Variants in FAM234A observed in about 807,000 individuals in gnomAD.
The protein encoded by FAM234A is family with sequence similarity 234 member A.
FAM234A carries 42 observed loss-of-function variants against 49.1 expected under a neutral mutation model. That is an observed-to-expected ratio of 0.86 (90% CI 0.67 to 1.11). The LOEUF is 1.11. FAM234A is among the 50% of genes least tolerant of loss of function. The pLI is 0.00. For missense variants in FAM234A, 815 were observed against 745.2 expected (o/e 1.09, Z -1.09); for synonymous variants, 369 against 316.2 (o/e 1.17, Z -1.77).
At chr16:268,762 G>A (rs75586002), downstream of FAM234A, 5,964 of 1,548,922 alleles carry the variant, frequency 3.9e-3, 261 homozygotes, top group East Asian at 0.1. Flanking sequence ...GCACTCTCTT[G>A]GGTCCTCTTC....
chr16:242,191 G>A (rs2050640648), intron 1 of FAM234A, among the ~76,000 whole-genome samples: 1 of 152,174 alleles, frequency 6.6e-6, no homozygotes, highest in Non-Finnish European at 1.5e-5. Context: ...CAGCCTCAGT[G>A]GCCTAGAGTG....
intron 7 of FAM234A, 41 bp from the exon 8 acceptor site, chr16:262,383 C>G: frequency 6.4e-7 from 1 of 1,564,570 alleles, no homozygotes; most frequent in Non-Finnish European, 8.7e-7. Context: ...GGGTTCACAG[C>G]GTGACCCTGG....
intron 2 of FAM234A, among the ~76,000 whole-genome samples, chr16:251,150 C>A (rs1370515679): frequency 6.6e-6 from 1 of 152,010 alleles, no homozygotes; most frequent in Non-Finnish European, 1.5e-5. Flanking sequence ...GTAGAGATGG[C>A]TTTCACCATA....
chr16:252,191 T>G (rs893176304), intron 2 of FAM234A, among the ~76,000 whole-genome samples: 10 of 146,302 alleles, frequency 6.8e-5, no homozygotes, highest in East Asian at 2.0e-4. Context: ...TTTTGTTTTT[T>G]TTTTTTTTTT....
intron 3 of FAM234A, 117 bp downstream of exon 3, chr16:254,798 C>G (rs1021625439): frequency 1.0e-5 from 11 of 1,057,768 alleles, no homozygotes; most frequent in Non-Finnish European, 1.4e-5. Flanking sequence ...GTGAATCAAT[C>G]CCAAGAGGCT....
rs148322881 is a variant in FAM234A at position 246,666 on chromosome 16, G to A, written c.-139-2883G>A. 3.5e-3 allele frequency among the ~76,000 whole-genome samples: 526 copies of A among 151,130 alleles called. 16 individuals carry two copies. Among genetic ancestry groups the A allele is most frequent in the African/African-American group, 0.012 (501 of 40,996 alleles). Reference sequence around the variant, plus strand: ...AATCTCCTGACCTTGTGATCCGCCCGCTTTGGCCTCCTAAAGTGCTGGTAT... The same window carrying A: ...AATCTCCTGACCTTGTGATCCGCCCACTTTGGCCTCCTAAAGTGCTGGTAT... On this transcript the variant is annotated intron_variant, in intron 1 of 12. Transcript: ENST00000399932.
chr16:244,158 T>G (rs35038459), intron 1 of FAM234A, among the ~76,000 whole-genome samples: 1 of 151,784 alleles, frequency 6.6e-6, no homozygotes, highest in African/African-American at 2.4e-5. Context: ...TTAGTAGAGA[T>G]GGGGTTTCAC....
chr16:269,302 A>AGCCGCTGTGGGCTCCACAG, downstream of FAM234A: 1 of 1,588,136 alleles, frequency 6.3e-7, no homozygotes. Flanking sequence ...CAGGGCCACA[A>AGCCGCTGTGGGCTCCACAG]GCCGCTGTGG....
intron 11 of FAM234A, 139 bp downstream of exon 11, chr16:264,310 G>A: frequency 3.0e-6 from 3 of 999,786 alleles, no homozygotes; most frequent in Non-Finnish European, 4.3e-6. Flanking sequence ...CAGTCAGGAT[G>A]AGGTGGTGCA....
rs1242497077 is a variant in FAM234A at position 250,900 on chromosome 16, G to A, written c.-34+1246G>A. ...CTGAAAAACACACCACTGCATTATG[G>A]TGTAATTATGCACTGTATTATGGAT... On this transcript the variant is annotated intron_variant, in intron 2 of 12. Coordinates refer to ENST00000399932, the MANE Select transcript of FAM234A (RefSeq NM_032039.4). Among the ~76,000 whole-genome samples, 5 of 152,168 alleles carry A rather than the reference G, an allele frequency of 3.3e-5. No homozygotes were observed. In the South Asian group the frequency reaches 6.2e-4, roughly 19 times the overall value.
At chr16:264,279 A>G in intron 11 of FAM234A, 108 bp downstream of exon 11, 1 of 1,193,234 alleles carries the variant, frequency 8.4e-7, no homozygotes. Flanking sequence ...GGGCAACCTC[A>G]CATAAGTTGA....
intron 1 of FAM234A, among the ~76,000 whole-genome samples, chr16:248,573 G>A (rs1214958644): frequency 6.6e-6 from 1 of 151,908 alleles, no homozygotes. Flanking sequence ...CCCCTCTTGA[G>A]CCTGGGAGCC....
intron 1 of FAM234A, among the ~76,000 whole-genome samples, chr16:238,957 C>T (rs1444999083): frequency 1.4e-5 from 2 of 146,122 alleles, no homozygotes; most frequent in Non-Finnish European, 3.0e-5. Flanking sequence ...TGGCACGTGC[C>T]TGTAGTCCCA....
At chr16:263,804 C>G in intron 10 of FAM234A, 29 bp downstream of exon 10, 1 of 1,578,262 alleles carries the variant, frequency 6.3e-7, no homozygotes, top group Non-Finnish European at 8.7e-7. Context: ...GGAGGTGGCA[C>G]CTTTGTTCTT....
At chr16:260,744 G>A in intron 5 of FAM234A, 1 of 437,402 alleles carries the variant, frequency 2.3e-6, no homozygotes, top group Non-Finnish European at 4.9e-6. Flanking sequence ...CTTACAAGCT[G>A]TCATTTTAAG....
intron 2 of FAM234A, among the ~76,000 whole-genome samples, chr16:250,514 T>G (rs2050963228): frequency 6.6e-6 from 1 of 152,182 alleles, no homozygotes; most frequent in Non-Finnish European, 1.5e-5. Context: ...CTGCCTTTGA[T>G]AAGCACACCT....
chr16:236,249 A>C lies in FAM234A; in HGVS notation c.-140+1392A>C, dbSNP rs111947247. ...GGGATTACAGGTGTGAGCCACCGCA[A>C]CTGGCCCTCTTTTTTTCCTTTTGCT... On this transcript the variant is annotated intron_variant, in intron 1 of 12. Transcript: ENST00000399932. Among the ~76,000 whole-genome samples, 1,096 of 151,282 alleles carry C rather than the reference A, an allele frequency of 7.2e-3. 15 individuals carry two copies. The highest frequency in any genetic ancestry group is 0.025 in the African/African-American group (1,048 of 41,334).
At chr16:250,332 CA>C (rs1369098723) in intron 2 of FAM234A, among the ~76,000 whole-genome samples, 1 of 152,220 alleles carries the variant, frequency 6.6e-6, no homozygotes, top group East Asian at 1.9e-4. Flanking sequence ...GCCCTGGCCC[CA>C]GCCCCTCAGG....
At chr16:251,613 A>G (rs1024327066) in intron 2 of FAM234A, among the ~76,000 whole-genome samples, 6 of 150,194 alleles carry the variant, frequency 4.0e-5, no homozygotes, top group Admixed American at 3.3e-4. Flanking sequence ...CCTGAGGTCA[A>G]GCACTCCACT....
Sources: allele counts gnomAD v4.1 joint callset (sites outside exome capture counted in the v4.1 genomes callset), GRCh38; gene constraint gnomAD v4.1.1; transcripts MANE v1.5; gene names NCBI Gene and HGNC (gene_info 2026-07-23, HGNC 2026-07-21).